Variants in TTC27 observed in about 807,000 individuals in gnomAD.
TTC27 encodes the protein tetratricopeptide repeat protein 27.
In TTC27, 79 loss-of-function variants were observed where a neutral mutation model predicts 115.9. That is an observed-to-expected ratio of 0.68 (90% CI 0.57 to 0.82). TTC27 has a LOEUF of 0.82. TTC27 is among the 40% of genes least tolerant of loss of function. The probability of loss-of-function intolerance (pLI) is 0.00; values close to 1 mark genes in which losing one functional copy is unlikely to be tolerated. For synonymous variants in TTC27, 401 were observed against 356.0 expected (o/e 1.13, Z -1.42); for missense variants, 1,054 against 993.1 (o/e 1.06, Z -0.82).
At chr2:32,800,269 C>T (rs1254035789) in intron 16 of TTC27, among the ~76,000 whole-genome samples, 1 of 152,134 alleles carries the variant, frequency 6.6e-6, no homozygotes, top group African/African-American at 2.4e-5. Context: ...CTCACTGCAA[C>T]CTCCGCCTCC....
Position 32,672,267 on chromosome 2 carries a change from A to G in TTC27, c.940-5A>G. 1 of 1,607,204 alleles carries G rather than the reference A, an allele frequency of 6.2e-7. No homozygotes were observed. ...GTCTAAGTATTTTCTTTTGTATTCTACTAGAATCTTGAGCTCAATGATGAC... is the reference window on the plus strand; with the variant it reads ...GTCTAAGTATTTTCTTTTGTATTCTGCTAGAATCTTGAGCTCAATGATGAC... On this transcript the variant is annotated splice_polypyrimidine_tract_variant and splice_region_variant and intron_variant, in intron 7 of 19. Coordinates refer to ENST00000317907, the MANE Select transcript of TTC27 (RefSeq NM_017735.5).
intron 12 of TTC27, among the ~76,000 whole-genome samples, chr2:32,755,371 A>G (rs1466887943): frequency 6.6e-6 from 1 of 152,212 alleles, no homozygotes; most frequent in Non-Finnish European, 1.5e-5. Context: ...ACTCGCGGTT[A>G]GGAGCTGGAG....
chr2:32,750,844 A>G (rs2147983786), intron 12 of TTC27, among the ~76,000 whole-genome samples: 1 of 152,356 alleles, frequency 6.6e-6, no homozygotes, highest in Non-Finnish European at 1.5e-5. Flanking sequence ...AATACCAGCT[A>G]TATGATAATT....
chr2:32,670,751 G>T (rs891132724), intron 7 of TTC27, among the ~76,000 whole-genome samples: 5 of 152,202 alleles, frequency 3.3e-5, no homozygotes, highest in African/African-American at 1.2e-4. Flanking sequence ...CCGAGTAGCT[G>T]GGAGTACAGG....
chr2:32,653,642 C>T (rs1333842638), intron 5 of TTC27, among the ~76,000 whole-genome samples: 4 of 150,790 alleles, frequency 2.7e-5, no homozygotes, highest in African/African-American at 7.3e-5. Context: ...CTGATGCATA[C>T]GTGCGTACGT....
In TTC27 at chr2:32,749,081, G is replaced by T. The variant is rs368739139; in HGVS notation, c.1453-9211G>T. Among the ~76,000 whole-genome samples the T allele has an allele frequency of 8.1e-4, 123 of 152,300 alleles. No individual in the cohort carries two copies. In the East Asian group the frequency reaches 0.011, roughly 14 times the overall value. ...AGTCTAATATCTGGGCATCCTCAGG[G>T]ATAGTTTCTGTTGATTGCCTTTTCC... On this transcript the variant is annotated intron_variant, in intron 12 of 19. Coordinates refer to ENST00000317907, the MANE Select transcript of TTC27 (RefSeq NM_017735.5).
chr2:32,652,121 C>A (rs1228449075), intron 5 of TTC27, among the ~76,000 whole-genome samples: 1 of 152,118 alleles, frequency 6.6e-6, no homozygotes, highest in Non-Finnish European at 1.5e-5. Context: ...TGCCTGTAAT[C>A]CCAGCACTTT....
chr2:32,815,223 ATTTTTTTTTTTTTTT>A (rs533493768), intron 18 of TTC27, among the ~76,000 whole-genome samples: 8 of 55,514 alleles, frequency 1.4e-4, no homozygotes, highest in Admixed American at 5.3e-4. Flanking sequence ...GCTGCTTCAG[ATTTTTTTTTTTTTTT>A]TTTTTTTTTT....
intron 9 of TTC27, among the ~76,000 whole-genome samples, chr2:32,693,674 C>T (rs926264515): frequency 2.0e-4 from 31 of 152,122 alleles, no homozygotes; most frequent in African/African-American, 7.2e-4. Flanking sequence ...CTACATCATA[C>T]TGTATATAAA....
intron 16 of TTC27, among the ~76,000 whole-genome samples, chr2:32,797,771 T>G (rs1316037955): frequency 3.3e-5 from 5 of 152,180 alleles, no homozygotes; most frequent in African/African-American, 1.2e-4. Context: ...TTGGACTTTG[T>G]GAAAATTTAA....
chr2:32,728,486 C>G (rs981172080), intron 10 of TTC27, among the ~76,000 whole-genome samples: 1 of 152,202 alleles, frequency 6.6e-6, no homozygotes, highest in East Asian at 1.9e-4. Context: ...AACTGAGCAT[C>G]TCCTTGATCA....
At chr2:32,754,723 G>A (rs1207464365) in intron 12 of TTC27, among the ~76,000 whole-genome samples, 3 of 151,516 alleles carry the variant, frequency 2.0e-5, no homozygotes, top group South Asian at 2.1e-4. Flanking sequence ...AGGGGCGGCC[G>A]GGCAGAGGCG....
At chr2:32,666,850 A>G (rs902200397) in intron 7 of TTC27, 82 bp downstream of exon 7, 1 of 1,491,776 alleles carries the variant, frequency 6.7e-7, no homozygotes, top group Non-Finnish European at 9.1e-7. Context: ...GAAACACTGA[A>G]TGGGTTGGGG....
intron 9 of TTC27, 127 bp downstream of exon 9, chr2:32,679,049 T>C (rs1666328530): frequency 1.4e-6 from 1 of 728,276 alleles, no homozygotes; most frequent in African/African-American, 1.8e-5. Context: ...GAGAAAAATC[T>C]TACCACTGTA....
chr2:32,685,238 C>T (rs1160497377), intron 9 of TTC27, among the ~76,000 whole-genome samples: 1 of 152,016 alleles, frequency 6.6e-6, no homozygotes, highest in Non-Finnish European at 1.5e-5. Flanking sequence ...CCATGTTGGC[C>T]AGGCTGTTCT....
At chr2:32,765,190 A>G (rs1488597665) in intron 13 of TTC27, among the ~76,000 whole-genome samples, 2 of 152,172 alleles carry the variant, frequency 1.3e-5, no homozygotes, top group Non-Finnish European at 2.9e-5. Flanking sequence ...TGTGAAATGT[A>G]TTTCTCAAAT....
intron 13 of TTC27, among the ~76,000 whole-genome samples, chr2:32,766,113 TGTCTCA>T: frequency 1.3e-5 from 2 of 152,380 alleles, no homozygotes; most frequent in Admixed American, 1.3e-4. Context: ...GCTTTCGGCC[TGTCTCA>T]GTTTTCGACA....
chr2:32,752,037 A>G (rs972373376), intron 12 of TTC27, among the ~76,000 whole-genome samples: 1 of 152,226 alleles, frequency 6.6e-6, no homozygotes, highest in Non-Finnish European at 1.5e-5. Flanking sequence ...TCTGACCTAA[A>G]TATCTGATTA....
rs556785323 is a variant in TTC27 at position 32,791,811 on chromosome 2, G to A, written c.1998+4662G>A. 3.9e-5 allele frequency among the ~76,000 whole-genome samples: 6 copies of A among 152,062 alleles called. No individual in the cohort carries two copies. The East Asian group carries it at 1.2e-3, about 29-fold the overall frequency. ...GATTGCTTAAGCCCAGGAGTTTGAG[G>A]TTTCAGTGAGCTATGATCGTGCCAC... On this transcript the variant is annotated intron_variant, in intron 16 of 19. Coordinates refer to ENST00000317907, the MANE Select transcript of TTC27 (RefSeq NM_017735.5).
Sources: allele counts gnomAD v4.1 joint callset (sites outside exome capture counted in the v4.1 genomes callset), GRCh38; gene constraint gnomAD v4.1.1; transcripts MANE v1.5; gene names NCBI Gene and HGNC (gene_info 2026-07-23, HGNC 2026-07-21).